Variants in ENTREP2 observed in about 807,000 individuals in gnomAD.
ENTREP2 encodes protein ENTREP2.
At chr15:29,627,552 A>G in the ENTREP2 span, among the ~76,000 whole-genome samples, 1 of 151,798 alleles carries the variant, frequency 6.6e-6, no homozygotes. Flanking sequence ...AAAAAAAAAA[A>G]AAAAAAAAGT....
the ENTREP2 span, among the ~76,000 whole-genome samples, chr15:29,212,517 G>C: frequency 6.6e-6 from 1 of 151,756 alleles, no homozygotes; most frequent in Non-Finnish European, 1.5e-5. Context: ...CTTTTTCTGG[G>C]TTTGTTATTT....
At chr15:29,171,702 T>C in the ENTREP2 span, among the ~76,000 whole-genome samples, 1 of 152,118 alleles carries the variant, frequency 6.6e-6, no homozygotes, top group Admixed American at 6.6e-5. Flanking sequence ...ACTAAATCAG[T>C]CACTGGTTAA....
At chr15:29,616,260 CA>C in the ENTREP2 span, among the ~76,000 whole-genome samples, 1 of 152,128 alleles carries the variant, frequency 6.6e-6, no homozygotes, top group African/African-American at 2.4e-5. Context: ...TTGGACAAAC[CA>C]AGGGGACGAT....
chr15:29,463,872 G>A, the ENTREP2 span, among the ~76,000 whole-genome samples: 1 of 152,094 alleles, frequency 6.6e-6, no homozygotes, highest in African/African-American at 2.4e-5. Context: ...ATATTATTTT[G>A]CTACAAAAAG....
chr15:29,318,634 A>G, the ENTREP2 span, among the ~76,000 whole-genome samples: 100 of 152,284 alleles, frequency 6.6e-4, 1 homozygote, highest in African/African-American at 2.3e-3. Flanking sequence ...TAAGGTATGT[A>G]CACTTTTTAA....
chr15:29,145,805 G>C, the ENTREP2 span, among the ~76,000 whole-genome samples: 307 of 152,204 alleles, frequency 2.0e-3, 1 homozygote, highest in African/African-American at 7.1e-3. Context: ...CAACATCGTA[G>C]TGGAGGTTCC....
the ENTREP2 span, among the ~76,000 whole-genome samples, chr15:29,132,731 G>A: frequency 6.6e-6 from 1 of 152,210 alleles, no homozygotes; most frequent in African/African-American, 2.4e-5. Flanking sequence ...CCTTCCGGGG[G>A]CCGCTGTGAG....
At chr15:29,577,769 T>C in the ENTREP2 span, among the ~76,000 whole-genome samples, 101,188 of 152,082 alleles carry the variant, frequency 0.67, 34,398 homozygotes, top group South Asian at 0.8. Flanking sequence ...GAAGGAAATT[T>C]TGACACATGC....
chr15:29,480,823 T>G, the ENTREP2 span, among the ~76,000 whole-genome samples: 1 of 151,906 alleles, frequency 6.6e-6, no homozygotes, highest in Non-Finnish European at 1.5e-5. Context: ...ACGGCTGCAG[T>G]TGGGGGGTGA....
At chr15:29,492,928 C>T in the ENTREP2 span, among the ~76,000 whole-genome samples, 2 of 151,298 alleles carry the variant, frequency 1.3e-5, no homozygotes, top group South Asian at 2.1e-4. Context: ...CGCTTGAACC[C>T]TGGAAGCGGA....
At chr15:29,188,206 A>G in the ENTREP2 span, among the ~76,000 whole-genome samples, 1 of 152,168 alleles carries the variant, frequency 6.6e-6, no homozygotes, top group South Asian at 2.1e-4. Flanking sequence ...TGACAGGGGC[A>G]CTAGGTAATC....
chr15:29,571,233 A>G, the ENTREP2 span, among the ~76,000 whole-genome samples: 1 of 151,862 alleles, frequency 6.6e-6, no homozygotes, highest in African/African-American at 2.4e-5. Context: ...GCGGAAGGAG[A>G]GCGGGGGCGG....
chr15:29,552,738 G>T, the ENTREP2 span, among the ~76,000 whole-genome samples: 1 of 152,090 alleles, frequency 6.6e-6, no homozygotes, highest in Non-Finnish European at 1.5e-5. Flanking sequence ...CAAAACAAGA[G>T]AATCCAATTT....
chr15:29,171,549 G>A, the ENTREP2 span, among the ~76,000 whole-genome samples: 1 of 151,944 alleles, frequency 6.6e-6, no homozygotes, highest in Non-Finnish European at 1.5e-5. Flanking sequence ...ACCCAAGTAA[G>A]GTATTTTTTT....
chr15:29,157,573 C>T, the ENTREP2 span, among the ~76,000 whole-genome samples: 4 of 152,192 alleles, frequency 2.6e-5, no homozygotes, highest in African/African-American at 4.8e-5. Flanking sequence ...TGTCTTAAGG[C>T]TCAGCCAGAA....
the ENTREP2 span, among the ~76,000 whole-genome samples, chr15:29,150,051 C>T: frequency 6.6e-6 from 1 of 152,210 alleles, no homozygotes; most frequent in African/African-American, 2.4e-5. Flanking sequence ...GACATTGCTG[C>T]GACGTCCCAG....
chr15:29,498,779 C>T, the ENTREP2 span, among the ~76,000 whole-genome samples: 2 of 151,358 alleles, frequency 1.3e-5, no homozygotes, highest in South Asian at 4.1e-4. Context: ...TACTGTATTG[C>T]TGTCTATTTC....
At chr15:29,269,377 T>A in the ENTREP2 span, 1 of 1,614,170 alleles carries the variant, frequency 6.2e-7, no homozygotes, top group South Asian at 1.1e-5. Flanking sequence ...CTTCAGTATG[T>A]CGGCCCGCTT....
chr15:29,461,379 C>T, the ENTREP2 span, among the ~76,000 whole-genome samples: 18 of 152,114 alleles, frequency 1.2e-4, no homozygotes, highest in Non-Finnish European at 2.4e-4. Flanking sequence ...CCCAAAATAT[C>T]CCAATATTTT....
Sources: gnomAD v4.1 joint callset for allele counts (sites outside exome capture counted in the v4.1 genomes callset) on GRCh38, gnomAD v4.1.1 for gene constraint, MANE v1.5 for transcripts, NCBI Gene and HGNC (gene_info 2026-07-23, HGNC 2026-07-21) for gene names.